Variants in IRX4 observed in about 807,000 individuals in gnomAD.
IRX4 encodes the protein iroquois homeobox 4, also known as iroquois-class homeodomain protein IRX-4.
Under a neutral mutation model 32.0 loss-of-function variants are expected in IRX4, and 22 were observed. The ratio of observed to expected loss-of-function variants is 0.69; its 90% CI spans 0.49 to 0.98. The LOEUF is 0.98. Ranked by LOEUF, IRX4 falls within the 50% of genes least tolerant of loss-of-function variation. The pLI, the probability that IRX4 is intolerant of heterozygous loss-of-function variation, is 0.00. For synonymous variants in IRX4, 379 were observed against 351.7 expected, an observed-to-expected ratio of 1.08 and a Z score of -0.87; for missense variants, 840 against 744.2, an observed-to-expected ratio of 1.13 and a Z score of -1.50.
Position 1,878,611 on chromosome 5 carries a change from C to T in IRX4, c.918G>A (p.Met306Ile). The part of the protein sequence containing the change: ...PVKEASGALR[M>I]SLAAGGGAAL... ...CAGCTCCGCCACCCGCGGCCAGAGA[C>T]ATCCGGAGCGCGCCTGAGGCCTCCT... Residue 306 changes from methionine (M) to isoleucine (I), a missense_variant, in exon 5 of 5, where the codon ATG becomes ATA. Physicochemically the swap from Met to Ile is conservative, Grantham distance 10. Coordinates refer to ENST00000231357, the MANE Select transcript of IRX4 (RefSeq NM_016358.3). 1 of 1,564,668 alleles carries T rather than the reference C, an allele frequency of 6.4e-7. No homozygotes were observed.
chr5:1,880,910 C>CA (rs1561137237), intron 2 of IRX4, 76 bp from the exon 3 acceptor site: 1 of 1,119,046 alleles, frequency 8.9e-7, no homozygotes, highest in Non-Finnish European at 1.4e-6. Flanking sequence ...AGGAGCCCCC[C>CA]ACTCCCAAAG....
Position 1,879,526 on chromosome 5 carries a change from G to A in IRX4, c.714C>T (p.Pro238=), listed in dbSNP as rs1340743703. The A allele has an allele frequency of 4.3e-6, 7 of 1,613,120 alleles. No homozygotes were observed. Among genetic ancestry groups the A allele is most frequent in the Non-Finnish European group, 5.1e-6 (6 of 1,180,028 alleles). The part of the protein sequence containing the change: ...EGGEEEAREE[P]LKSSKNAEPV... The stretch of plus-strand genomic sequence containing the variant: ...CACCTGCGTTCTTGGAGCTCTTGAG[G>A]GGCTCCTCCCGCGCCTCCTCCTCGC... Residue 238 remains proline, a synonymous_variant, in exon 4 of 5, where the codon CCC becomes CCT. Coordinates refer to ENST00000231357, the MANE Select transcript of IRX4 (RefSeq NM_016358.3).
rs4975755 is a variant in IRX4 at position 1,882,133 on chromosome 5, G to T, written c.46-74C>A. On this transcript the variant is annotated intron_variant, in intron 1 of 4. Coordinates refer to ENST00000231357, the MANE Select transcript of IRX4 (RefSeq NM_016358.3). ...GGGCCCTGGGCCTTGCCAATCCCGC[G>T]CGCCGCCCACGAGGGCGTGCCCCGA... is the stretch of plus-strand genomic sequence containing the variant. 4,685 of 1,483,506 alleles carry T rather than the reference G, an allele frequency of 3.2e-3. 12 individuals are homozygous for T. The highest frequency in any genetic ancestry group is 4.9e-3 in the Admixed American group (199 of 40,800). 91.9% of individuals were successfully genotyped at this position (1,483,506 alleles called of 1,614,324 possible).
upstream of IRX4, among the ~76,000 whole-genome samples, chr5:1,885,429 A>C (rs573020833): frequency 6.6e-6 from 1 of 151,672 alleles, no homozygotes; most frequent in South Asian, 2.1e-4. Context: ...CCAGCGGGCG[A>C]CCCTTTCTCC....
upstream of IRX4, among the ~76,000 whole-genome samples, chr5:1,886,519 G>C (rs1309604863): frequency 6.6e-6 from 1 of 152,202 alleles, no homozygotes; most frequent in Admixed American, 6.5e-5. Flanking sequence ...CGGAGCCAGT[G>C]GTAGGAGAAG....
At chr5:1,880,893 C>T (rs1372192443) in intron 2 of IRX4, 59 bp from the exon 3 acceptor site, 1 of 1,293,150 alleles carries the variant, frequency 7.7e-7, no homozygotes, top group African/African-American at 1.5e-5. Context: ...ACTCCAGCCT[C>T]TCTCCTAGGA....
At position 1,878,654 on chromosome 5, in the gene IRX4, G is replaced by T. The variant is rs775564077; in HGVS notation, c.875C>A (p.Ala292Glu). The change falls in exon 5 of 5, where the codon GCG (alanine) becomes GAG (glutamate). Residue 292 changes from alanine to glutamate, a missense_variant. Physicochemically the swap from Ala to Glu is moderately radical, Grantham distance 107. This residue lies in a region of IRX4 where 585 missense variants were observed against 488.0 expected (regional missense o/e 1.20). Coordinates refer to ENST00000231357, the MANE Select transcript of IRX4 (RefSeq NM_016358.3). ...GGCCTCCTTGACCGGGCCGTCGGGC[G>T]CGGCGGGGACGCGCTCCAGACCGCC... Reference protein sequence around the residue: ...LDGGLERVPAAPDGPVKEASG... With the variant: ...LDGGLERVPAEPDGPVKEASG... 1 of 1,567,230 alleles carries T rather than the reference G, an allele frequency of 6.4e-7. No homozygotes were observed.
rs961706101 is a variant in IRX4 at position 1,877,599 on chromosome 5, G to A, written c.*370C>T. The A allele has an allele frequency of 7.8e-6, 2 of 256,432 alleles. No homozygotes were observed. The highest frequency in any genetic ancestry group is 2.3e-5 in the African/African-American group (1 of 44,196). 15.9% of individuals were successfully genotyped at this position (256,432 alleles called of 1,614,324 possible). A position where few individuals can be genotyped will look rare whatever the true frequency, so the allele number is the denominator to read the frequency against. ...GTGCTGAGGATGAAATCGGAGGCCC[G>A]ACAGGCCCAGGAGGCCTCACGCCCA... On this transcript the variant is annotated 3_prime_UTR_variant, in exon 5 of 5. Coordinates refer to ENST00000231357, the MANE Select transcript of IRX4 (RefSeq NM_016358.3).
rs201914951 is a variant in IRX4, at chr5:1,878,211, C to G, written c.1318G>C (p.Asp440His). ...SPVTSLRNWV[D>H]GVFHDPILRH... ...AGGATGGGGTCGTGGAAGACCCCGT[C>G]CACCCAGTTTCTGAGACTGGTTACC... The change falls in exon 5 of 5, where the codon GAC becomes CAC. Residue 440 changes from aspartate to histidine, a missense_variant. Transcript: ENST00000231357. 1.2e-6 allele frequency: 2 copies of G among 1,601,364 alleles called. No homozygotes were observed. Among genetic ancestry groups the G allele is most frequent in the Non-Finnish European group, 1.7e-6 (2 of 1,175,148 alleles).
chr5:1,879,370 A>G, intron 4 of IRX4, 134 bp downstream of exon 4: 1 of 1,399,622 alleles, frequency 7.1e-7, no homozygotes, highest in Middle Eastern at 1.8e-4. Context: ...AGCCTGAGGC[A>G]GAACCGGTTT....
At chr5:1,885,125 C>T (rs561663188), upstream of IRX4, among the ~76,000 whole-genome samples, 20 of 152,286 alleles carry the variant, frequency 1.3e-4, no homozygotes, top group East Asian at 3.9e-3. Flanking sequence ...GGCCCAGGGG[C>T]CCAGCCACCT....
rs1268516328 is a variant in IRX4, at chr5:1,877,453, GTTATA to G, written c.*511_*515del. The G allele has an allele frequency of 6.5e-6, 1 of 153,252 alleles. No homozygotes were observed. The highest frequency in any genetic ancestry group is 1.5e-5 in the Non-Finnish European group (1 of 68,646). The allele number at this position is 153,252 out of a possible 1,614,324, so 9.5% of individuals were successfully genotyped here. On this transcript the variant is annotated 3_prime_UTR_variant, in exon 5 of 5. Coordinates refer to ENST00000231357, the MANE Select transcript of IRX4 (RefSeq NM_016358.3). ...ACCATCACTCGGTTTTATTGGTTTT[GTTATA>G]TTAGCCTCTGAAGCAGGCAATTATT...
In IRX4 at chr5:1,878,719, C is replaced by G. The variant is rs771959144; in HGVS notation, c.810G>C (p.Pro270=). The G allele has an allele frequency of 3.1e-6, 5 of 1,612,734 alleles. No homozygotes were observed. The highest frequency in any genetic ancestry group is 4.2e-6 in the Non-Finnish European group (5 of 1,179,950). ...LDDFDPLEAE[P]PACELKPPFH... is the part of the protein sequence containing the mutation. Reference sequence around the variant, plus strand: ...AGGGCGGCTTCAGCTCGCACGCCGGCGGCTCTGCTTCCAGCGGGTCGAAGT... The same window carrying G: ...AGGGCGGCTTCAGCTCGCACGCCGGGGGCTCTGCTTCCAGCGGGTCGAAGT... Residue 270 remains proline, a synonymous_variant, in exon 5 of 5, where the codon CCG becomes CCC. Transcript: ENST00000231357.
At chr5:1,884,856 C>G (rs1735578224), upstream of IRX4, among the ~76,000 whole-genome samples, 1 of 151,816 alleles carries the variant, frequency 6.6e-6, no homozygotes, top group African/African-American at 2.4e-5. Flanking sequence ...CTCCCTCCTC[C>G]CCACTCCTTG....
At position 1,878,646 on chromosome 5, in the gene IRX4, C is replaced by G. The variant is rs778803594; in HGVS notation, c.883G>C (p.Gly295Arg). Residue 295 changes from glycine (G) to arginine (R), a missense_variant, in exon 5 of 5, where the codon GGC (glycine) becomes CGC (arginine). Physicochemically the swap from Gly to Arg is moderately radical, Grantham distance 125. Transcript: ENST00000231357. ...GCGCCTGAGGCCTCCTTGACCGGGC[C>G]GTCGGGCGCGGCGGGGACGCGCTCC... Reference protein sequence around the residue: ...GLERVPAAPDGPVKEASGALR... With the variant: ...GLERVPAAPDRPVKEASGALR... 2.2e-5 allele frequency: 35 copies of G among 1,594,674 alleles called. No individual in the cohort carries two copies. The highest frequency in any genetic ancestry group is 6.8e-6 in the Non-Finnish European group (8 of 1,171,650).
At chr5:1,886,078 G>A (rs1181057427), upstream of IRX4, among the ~76,000 whole-genome samples, 1 of 152,258 alleles carries the variant, frequency 6.6e-6, no homozygotes, top group Non-Finnish European at 1.5e-5. Flanking sequence ...GGGGAGGCAG[G>A]GGATGGTCAG....
chr5:1,881,070 C>CGG (rs1342519574), intron 2 of IRX4: 6 of 94,022 alleles, frequency 6.4e-5, no homozygotes, highest in Middle Eastern at 3.2e-3. Context: ...TGGGGGGGGG[C>CGG]GGGGGGGAGG....
In IRX4 at chr5:1,881,955, C is replaced by A; in HGVS notation, c.150G>T (p.Pro50=). 2 of 1,564,042 alleles carry A rather than the reference C, an allele frequency of 1.3e-6. No individual in the cohort carries two copies. Among genetic ancestry groups the A allele is most frequent in the Non-Finnish European group, 1.7e-6 (2 of 1,154,976 alleles). Residue 50 remains proline, a synonymous_variant, in exon 2 of 5, where the codon CCG becomes CCT. Coordinates refer to ENST00000231357, the MANE Select transcript of IRX4 (RefSeq NM_016358.3). Reference sequence around the variant, plus strand: ...TGGCCAGCAGCCGGCTCTCGTAGACCGGGCAGTAGACCGGCGCCTGGGCCG... The same window carrying A: ...TGGCCAGCAGCCGGCTCTCGTAGACAGGGCAGTAGACCGGCGCCTGGGCCG... ...AASAQAPVYC[P]VYESRLLATA...
chr5:1,879,866 G>A (rs1458280581), intron 3 of IRX4, 34 bp from the exon 4 acceptor site: 2 of 1,610,068 alleles, frequency 1.2e-6, no homozygotes, highest in Admixed American at 1.7e-5. Context: ...CTCAGGCTGG[G>A]CCCTCTGGGC....
Sources: allele counts gnomAD v4.1 joint callset (sites outside exome capture counted in the v4.1 genomes callset), GRCh38; gene constraint gnomAD v4.1.1; regional missense constraint gnomAD v4.1.1; transcripts MANE v1.5; gene names NCBI Gene and HGNC (gene_info 2026-07-23, HGNC 2026-07-21).